ZSCAN10: variants seen among roughly 807,000 people sequenced by gnomAD.
ZSCAN10 encodes zinc finger and SCAN domain-containing protein 10.
In ZSCAN10, 52 loss-of-function variants were observed where a neutral mutation model predicts 63.7. The observed-to-expected ratio is 0.82, with a 90% confidence interval of 0.65 to 1.03. The LOEUF (loss-of-function observed/expected upper bound fraction) is 1.03. Ranked by LOEUF, ZSCAN10 falls within the 50% of genes least tolerant of loss-of-function variation. The pLI is 0.00. For synonymous variants in ZSCAN10, 544 were observed against 479.6 expected (o/e 1.13, Z -1.76); for missense variants, 1,223 against 1,103.8 (o/e 1.11, Z -1.53).
At position 3,092,754 on chromosome 16, in the gene ZSCAN10, G is replaced by C. The variant is rs1227012435; in HGVS notation, c.184C>G (p.Leu62Val). 6.2e-7 allele frequency: 1 copy of C among 1,609,544 alleles called. No homozygotes were observed. Among genetic ancestry groups the C allele is most frequent in the East Asian group, 2.2e-5 (1 of 44,738 alleles). Residue 62 changes from leucine (L) to valine (V), a missense_variant, in exon 2 of 6, where the codon CTG becomes GTG. Transcript: ENST00000576985. ...YQEDMGPRAS[L>V]SRLRELCGHW... Reference sequence around the variant, plus strand: ...CCGCAGAGCTCCCGGAGCCGGCTCAGGGACGCCCGTGGCCCCATGTCCTCC... The same window carrying C: ...CCGCAGAGCTCCCGGAGCCGGCTCACGGACGCCCGTGGCCCCATGTCCTCC...
Position 3,093,006 on chromosome 16 carries a change from T to C in ZSCAN10, c.-67-2A>G. On this transcript the variant is annotated splice_acceptor_variant, in intron 1 of 5. Coordinates refer to ENST00000576985, the MANE Select transcript of ZSCAN10 (RefSeq NM_032805.3). LOFTEE classifies it low-confidence loss of function (5UTR_SPLICE). Reference sequence around the variant, plus strand: ...GGTCTCTCTCCTCTCCTCCCACACCTGCGAAGGTGAACACCCTGGGTTAGG... The same window carrying C: ...GGTCTCTCTCCTCTCCTCCCACACCCGCGAAGGTGAACACCCTGGGTTAGG... The C allele has an allele frequency of 7.3e-7, 1 of 1,372,536 alleles. No individual in the cohort carries two copies. The highest frequency in any genetic ancestry group is 9.4e-7 in the Non-Finnish European group (1 of 1,066,362). The allele number at this position is 1,372,536 out of a possible 1,614,324, so 85.0% of individuals were successfully genotyped here. A position where few individuals can be genotyped will look rare whatever the true frequency, so the allele number is the denominator to read the frequency against.
chr16:3,090,030 G>A lies in ZSCAN10; in HGVS notation c.1404C>T (p.Ala468=), dbSNP rs753645875. ...QKPPCAPESK[A]EAPPLTDVLC... is the part of the protein sequence containing the mutation. ...GGACATCGGTCAGTGGCGGCGCTTCGGCCTTACTCTCAGGAGCGCAGGGCG... is the reference window on the plus strand; with the variant it reads ...GGACATCGGTCAGTGGCGGCGCTTCAGCCTTACTCTCAGGAGCGCAGGGCG... The change falls in exon 6 of 6, where the codon GCC becomes GCT. Residue 468 remains alanine (A), a synonymous_variant. Transcript: ENST00000576985. 7 of 1,591,826 alleles carry A rather than the reference G, an allele frequency of 4.4e-6. No homozygotes were observed. In the South Asian group the frequency reaches 6.7e-5, roughly 15 times the overall value.
Position 3,090,500 on chromosome 16 carries a change from C to T in ZSCAN10, c.934G>A (p.Ala312Thr), listed in dbSNP as rs768061354. Residue 312 changes from alanine to threonine, a missense_variant, in exon 6 of 6, where the codon GCT becomes ACT. By Grantham distance (58) the Ala-to-Thr change is moderately conservative. Coordinates refer to ENST00000576985, the MANE Select transcript of ZSCAN10 (RefSeq NM_032805.3). ...TCTTCACCAGGGCCGCTAGCCGCAGCGCCCCGTCCGAGCGACTGGGCGCAA... is the reference window on the plus strand; with the variant it reads ...TCTTCACCAGGGCCGCTAGCCGCAGTGCCCCGTCCGAGCGACTGGGCGCAA... ...EPCAQSLGRG[A>T]AASGPGEDGS... 4.3e-6 allele frequency: 7 copies of T among 1,613,104 alleles called. No homozygotes were observed. The highest frequency in any genetic ancestry group is 4.5e-5 in the East Asian group (2 of 44,862).
chr16:3,090,106 C>A lies in ZSCAN10; in HGVS notation c.1328G>T (p.Arg443Leu). The change falls in exon 6 of 6, where the codon CGC (arginine) becomes CTC (leucine). Residue 443 changes from arginine to leucine, a missense_variant. Coordinates refer to ENST00000576985, the MANE Select transcript of ZSCAN10 (RefSeq NM_032805.3). ...CAGGTGCTGCACAAGGCTGGCGCGG[C>A]GCTGGAAGCCGCGGCCGCACTCTGC... is the stretch of plus-strand genomic sequence containing the variant. ...LCAECGRGFQ[R>L]RASLVQHLLA... 2 of 1,601,230 alleles carry A rather than the reference C, an allele frequency of 1.2e-6. No individual in the cohort carries two copies. The highest frequency in any genetic ancestry group is 1.7e-6 in the Non-Finnish European group (2 of 1,177,558).
Position 3,089,462 on chromosome 16 carries a change from C to A in ZSCAN10, c.1972G>T (p.Gly658Trp). ...GTGTCGCAGGCGTGGGGCTTCTCCC[C>A]TGTGTGGATGCGCTGGTGGCGCGCC... ...HLARHQRIHT[G>W]EKPHACDTCG... Residue 658 changes from glycine (G) to tryptophan (W), a missense_variant, in exon 6 of 6, where the codon GGG becomes TGG. Coordinates refer to ENST00000576985, the MANE Select transcript of ZSCAN10 (RefSeq NM_032805.3). The A allele has an allele frequency of 6.2e-7, 1 of 1,606,328 alleles. No homozygotes were observed. Among genetic ancestry groups the A allele is most frequent in the Non-Finnish European group, 8.5e-7 (1 of 1,178,342 alleles).
In ZSCAN10 at chr16:3,092,101, CT is replaced by C; in HGVS notation, c.611del (p.Lys204SerfsTer4). 6.2e-7 allele frequency: 1 copy of C among 1,603,894 alleles called. No individual in the cohort carries two copies. Among genetic ancestry groups the C allele is most frequent in the Non-Finnish European group, 8.5e-7 (1 of 1,174,616 alleles). On this transcript the variant is annotated frameshift_variant, in exon 3 of 6. Transcript: ENST00000576985. LOFTEE classifies it high-confidence loss of function. ...TCTGGGGCCCCGGGCTCAGCGGCTGCTTTGAACTTGGGGGAAGCCTCCACTG... is the reference window on the plus strand; with the variant it reads ...TCTGGGGCCCCGGGCTCAGCGGCTGCTTGAACTTGGGGGAAGCCTCCACTG... ...PGQWRLPPSS[K>X]QPLSPGPQKT...
chr16:3,097,242 A>G (rs569438188), intron 1 of ZSCAN10, among the ~76,000 whole-genome samples: 38 of 124,002 alleles, frequency 3.1e-4, no homozygotes, highest in African/African-American at 1.2e-3. Context: ...GTTGTGGTAC[A>G]GAATGGGGGA....
Position 3,089,208 on chromosome 16 carries a change from G to A in ZSCAN10, c.2226C>T (p.His742=). The A allele has an allele frequency of 6.3e-7, 1 of 1,583,652 alleles. No homozygotes were observed. The highest frequency in any genetic ancestry group is 8.5e-7 in the Non-Finnish European group (1 of 1,171,948). The change falls in exon 6 of 6, where the codon CAC becomes CAT. Residue 742 remains histidine, a synonymous_variant. Transcript: ENST00000576985. ...GCCTGGCGCCCGTGTGCACCAGCAG[G>A]TGTCGCAGCAGATTGCAGCTGCGGC... ...SFSRSCNLLR[H]LLVHTGARPY...
chr16:3,089,741 G>C lies in ZSCAN10; in HGVS notation c.1693C>G (p.Leu565Val), dbSNP rs759776811. ...CGRSFTQSSQLVSHQRVHTGE... is the reference protein window; with the variant it reads ...CGRSFTQSSQVVSHQRVHTGE... ...GTGTGCACCCGTTGGTGGCTGACCAGCTGCGAGCTCTGCGTGAAGCTGCGG... is the reference window on the plus strand; with the variant it reads ...GTGTGCACCCGTTGGTGGCTGACCACCTGCGAGCTCTGCGTGAAGCTGCGG... The change falls in exon 6 of 6, where the codon CTG becomes GTG. Residue 565 changes from leucine (L) to valine (V), a missense_variant. Transcript: ENST00000576985. 1.4e-5 allele frequency: 23 copies of C among 1,601,896 alleles called. No homozygotes were observed. The South Asian group carries it at 2.3e-4, about 16-fold the overall frequency.
rs775039187 is a variant in ZSCAN10 at position 3,089,252 on chromosome 16, C to G, written c.2182G>C (p.Glu728Gln). 34 of 1,578,482 alleles carry G rather than the reference C, an allele frequency of 2.2e-5. No individual in the cohort carries two copies. Among genetic ancestry groups the G allele is most frequent in the Non-Finnish European group, 2.6e-6 (3 of 1,170,066 alleles). The part of the protein sequence containing the change: ...EQAEPPQECV[E>Q]CGKSFSRSCN... ...CTGCGGCTGAAGCTCTTCCCGCACT[C>G]CACGCACTCCTGCGGGGGCTCGGCC... The change falls in exon 6 of 6, where the codon GAG (glutamate) becomes CAG (glutamine). Residue 728 changes from glutamate to glutamine, a missense_variant. By Grantham distance (29) the Glu-to-Gln change is conservative. Coordinates refer to ENST00000576985, the MANE Select transcript of ZSCAN10 (RefSeq NM_032805.3).
At chr16:3,098,089 A>AG (rs1491224988) in intron 1 of ZSCAN10, among the ~76,000 whole-genome samples, 1 of 151,040 alleles carries the variant, frequency 6.6e-6, no homozygotes. Context: ...AGAAAAGAAA[A>AG]GAAAAAAAAA....
In ZSCAN10 at chr16:3,089,424, A is replaced by T; in HGVS notation, c.2010T>A (p.Arg670=). The T allele has an allele frequency of 6.2e-7, 1 of 1,601,278 alleles. No individual in the cohort carries two copies. Among genetic ancestry groups the T allele is most frequent in the Non-Finnish European group, 8.5e-7 (1 of 1,177,308 alleles). ...GGGCCAGGTTGGAGCTATTGCGGAAACGGTGGCCGCAGGTGTCGCAGGCGT... is the reference window on the plus strand; with the variant it reads ...GGGCCAGGTTGGAGCTATTGCGGAATCGGTGGCCGCAGGTGTCGCAGGCGT... ...KPHACDTCGH[R]FRNSSNLARH... Residue 670 remains arginine, a synonymous_variant, in exon 6 of 6, where the codon CGT becomes CGA. Coordinates refer to ENST00000576985, the MANE Select transcript of ZSCAN10 (RefSeq NM_032805.3).
At position 3,092,567 on chromosome 16, in the gene ZSCAN10, C is replaced by G. The variant is rs755979872; in HGVS notation, c.371G>C (p.Arg124Pro). The G allele has an allele frequency of 4.9e-4, 765 of 1,557,754 alleles. 1 individual carries two copies. Among genetic ancestry groups the G allele is most frequent in the Middle Eastern group, 2.7e-3 (16 of 5,924 alleles). The change falls in exon 2 of 6, where the codon CGG becomes CCG. Residue 124 changes from arginine to proline, a missense_variant. By Grantham distance (103) the Arg-to-Pro change is moderately radical. Transcript: ENST00000576985. ...CAGCGGCCCCGCGTGGCTGGGCTCCCGGTGGATGCCCTCGAGCAGCAGCAC... is the reference window on the plus strand; with the variant it reads ...CAGCGGCCCCGCGTGGCTGGGCTCCGGGTGGATGCCCTCGAGCAGCAGCAC... ...EVVLLLEGIH[R>P]EPSHAGPLDF...
chr16:3,091,478 T>C, intron 5 of ZSCAN10, 62 bp downstream of exon 5: 1 of 1,577,852 alleles, frequency 6.3e-7, no homozygotes, highest in Non-Finnish European at 8.7e-7. Flanking sequence ...TTCCATCTCT[T>C]TAAAAAAGAC....
rs533944044 is a variant in ZSCAN10 at position 3,094,153 on chromosome 16, C to T, written c.-67-1149G>A. Reference sequence around the variant, plus strand: ...TCAGCCTCCCGAGTAGCTGGGACTACAGGTGCATATCACCATGCTGGGTTA... The same window carrying T: ...TCAGCCTCCCGAGTAGCTGGGACTATAGGTGCATATCACCATGCTGGGTTA... On this transcript the variant is annotated intron_variant, in intron 1 of 5. Transcript: ENST00000576985. Among the ~76,000 whole-genome samples, 4 of 152,282 alleles carry T rather than the reference C, an allele frequency of 2.6e-5. No homozygotes were observed. The South Asian group carries it at 6.2e-4, about 24-fold the overall frequency.
At chr16:3,093,682 TTTTTC>T (rs1291573770) in intron 1 of ZSCAN10, among the ~76,000 whole-genome samples, 7 of 105,822 alleles carry the variant, frequency 6.6e-5, no homozygotes, top group African/African-American at 2.8e-4. Flanking sequence ...AAAGCTTTTT[TTTTTC>T]TTTTTTTTTT....
In ZSCAN10 at chr16:3,089,821, A is replaced by G. The variant is rs1351750082; in HGVS notation, c.1613T>C (p.Val538Ala). 6.4e-7 allele frequency: 1 copy of G among 1,571,532 alleles called. No homozygotes were observed. Among genetic ancestry groups the G allele is most frequent in the South Asian group, 1.1e-5 (1 of 87,878 alleles). Residue 538 changes from valine to alanine, a missense_variant, in exon 6 of 6, where the codon GTG becomes GCG. Val to Ala is a moderately conservative substitution (Grantham distance 64). Coordinates refer to ENST00000576985, the MANE Select transcript of ZSCAN10 (RefSeq NM_032805.3). ...GCCCGTGTGCACCCTCCGGTGGGCC[A>G]CCAGGTGCTCGCTGCGCCGGAAGGC... ...GKAFRRSEHL[V>A]AHRRVHTGER...
In ZSCAN10 at chr16:3,092,978, T is replaced by C. The variant is rs1259609314; in HGVS notation, c.-41A>G. ...TGCCTCCCTAACGCCAGCCCCGCTC[T>C]TGGGTCTCTCTCCTCTCCTCCCACA... is the stretch of plus-strand genomic sequence containing the variant. On this transcript the variant is annotated 5_prime_UTR_variant, in exon 2 of 6. Coordinates refer to ENST00000576985, the MANE Select transcript of ZSCAN10 (RefSeq NM_032805.3). 5.7e-6 allele frequency: 8 copies of C among 1,397,508 alleles called. No homozygotes were observed. Among genetic ancestry groups the C allele is most frequent in the Non-Finnish European group, 7.4e-6 (8 of 1,079,178 alleles). 86.6% of individuals were successfully genotyped at this position (1,397,508 alleles called of 1,614,324 possible).
chr16:3,089,579 G>A lies in ZSCAN10; in HGVS notation c.1855C>T (p.Gln619Ter). Residue 619 changes from glutamine to a stop codon, truncating the protein, a stop_gained, in exon 6 of 6, where the codon CAG becomes TAG. Transcript: ENST00000576985. LOFTEE classifies it high-confidence loss of function. ...CTGCGCTGGTGGCGGGCCAGATCCT[G>A]GGTCTGGCCGAAACTCTTCCCGCAC... The part of the protein sequence containing the change: ...TQCGKSFGQT[Q>*]DLARHQRSHT... 1 of 1,587,522 alleles carries A rather than the reference G, an allele frequency of 6.3e-7. No homozygotes were observed. Among genetic ancestry groups the A allele is most frequent in the South Asian group, 1.1e-5 (1 of 88,174 alleles).
Sources: gnomAD v4.1 joint callset for allele counts (sites outside exome capture counted in the v4.1 genomes callset) on GRCh38, gnomAD v4.1.1 for gene constraint, MANE v1.5 for transcripts, NCBI Gene and HGNC (gene_info 2026-07-23, HGNC 2026-07-21) for gene names.